The following TLN2 variants were observed in gnomAD, a reference collection of about 807,000 sequenced individuals.
TLN2 encodes the protein talin-2.
TLN2 carries 118 observed loss-of-function variants against 294.7 expected under a neutral mutation model. The ratio of observed to expected loss-of-function variants is 0.40; its 90% CI spans 0.34 to 0.47. The LOEUF (loss-of-function observed/expected upper bound fraction) is 0.47, where lower values mean the gene tolerates loss of function less well. TLN2 is among the 20% of genes least tolerant of loss of function. TLN2 has a pLI of 0.84. For missense variants in TLN2, 3,083 were observed against 3,282.2 expected (o/e 0.94, Z 1.48); for synonymous variants, 1,431 against 1,304.5 (o/e 1.10, Z -2.09).
intron 23 of TLN2, among the ~76,000 whole-genome samples, chr15:62,717,230 A>G (rs2059835367): frequency 6.6e-6 from 1 of 152,170 alleles, no homozygotes; most frequent in African/African-American, 2.4e-5. Context: ...AGAACCATCT[A>G]CGCTGCTTGT....
chr15:62,738,178 G>T (rs761237118), intron 29 of TLN2, 36 bp from the exon 30 acceptor site: 2 of 1,608,510 alleles, frequency 1.2e-6, no homozygotes, highest in East Asian at 2.2e-5. Flanking sequence ...AGAAATGTTT[G>T]TACTTAAAGG....
intron 1 of TLN2, among the ~76,000 whole-genome samples, chr15:62,519,297 T>C (rs555100132): frequency 1.2e-3 from 186 of 152,340 alleles, no homozygotes; most frequent in Non-Finnish European, 2.2e-3. Flanking sequence ...GTTAAGTACC[T>C]CTCACTTACA....
intron 1 of TLN2, among the ~76,000 whole-genome samples, chr15:62,461,195 C>T (rs545550648): frequency 1.1e-3 from 164 of 152,268 alleles, no homozygotes; most frequent in African/African-American, 3.8e-3. Flanking sequence ...CCGCCTGCGT[C>T]GGCCTCCCAA....
At chr15:62,685,877 A>T (rs2057246763) in intron 11 of TLN2, among the ~76,000 whole-genome samples, 3 of 152,136 alleles carry the variant, frequency 2.0e-5, no homozygotes. Flanking sequence ...AAGTATGTAT[A>T]TTTTGAGTTA....
intron 2 of TLN2, among the ~76,000 whole-genome samples, chr15:62,615,298 A>G (rs1416909052): frequency 6.6e-6 from 1 of 151,948 alleles, no homozygotes; most frequent in African/African-American, 2.4e-5. Flanking sequence ...AGGAACAGCA[A>G]CTCTTTCTTT....
At chr15:62,435,597 G>A (rs1455264076) in intron 1 of TLN2, among the ~76,000 whole-genome samples, 2 of 151,946 alleles carry the variant, frequency 1.3e-5, no homozygotes, top group Non-Finnish European at 2.9e-5. Context: ...GCTGGAGTGC[G>A]ATGGCGCGAT....
chr15:62,737,739 A>C (rs1685428495), intron 29 of TLN2, among the ~76,000 whole-genome samples: 2 of 152,214 alleles, frequency 1.3e-5, no homozygotes, highest in African/African-American at 4.8e-5. Context: ...GAGGTTTGGG[A>C]GGATGGCCCC....
At chr15:62,588,855 G>A (rs1038443685) in intron 1 of TLN2, among the ~76,000 whole-genome samples, 4 of 150,104 alleles carry the variant, frequency 2.7e-5, no homozygotes, top group East Asian at 2.0e-4. Context: ...TGATACTTTT[G>A]TCAAAAAATA....
chr15:62,513,553 C>T (rs1051384161), intron 1 of TLN2, among the ~76,000 whole-genome samples: 2 of 152,216 alleles, frequency 1.3e-5, no homozygotes, highest in Non-Finnish European at 1.5e-5. Context: ...ATCCCATAAC[C>T]TTGTAGACCT....
chr15:62,809,812 G>A, intron 51 of TLN2, 113 bp from the exon 52 acceptor site: 1 of 909,842 alleles, frequency 1.1e-6, no homozygotes, highest in Admixed American at 2.0e-5. Flanking sequence ...TGTCCAGGGA[G>A]TCAGGGCAGT....
chr15:62,613,986 C>T (rs770824349), intron 2 of TLN2, among the ~76,000 whole-genome samples: 1 of 151,914 alleles, frequency 6.6e-6, no homozygotes, highest in Non-Finnish European at 1.5e-5. Context: ...TTGAGGGGGA[C>T]CTGATTTACA....
At chr15:62,838,409 G>C (rs2070067455) in intron 57 of TLN2, among the ~76,000 whole-genome samples, 1 of 152,226 alleles carries the variant, frequency 6.6e-6, no homozygotes, top group African/African-American at 2.4e-5. Context: ...CACAGAGGGA[G>C]AGGGTATGGG....
chr15:62,831,643 G>A (rs1002983958), intron 54 of TLN2: 4 of 152,092 alleles, frequency 2.6e-5, no homozygotes, highest in African/African-American at 9.7e-5. Context: ...CTAAATTCAT[G>A]TCTGTCCTGA....
intron 45 of TLN2, chr15:62,784,186 CT>C: frequency 2.4e-6 from 1 of 415,758 alleles, no homozygotes; most frequent in East Asian, 3.4e-5. Context: ...TCACCTGTCT[CT>C]TTTAGCATGC....
At chr15:62,701,918 CA>C in intron 17 of TLN2, 73 bp from the exon 18 acceptor site, 2 of 1,534,128 alleles carry the variant, frequency 1.3e-6, no homozygotes, top group Non-Finnish European at 1.8e-6. Context: ...GAACTCCTGC[CA>C]GTGTGGGGTT....
chr15:62,649,969 G>C (rs766230965), intron 4 of TLN2, 115 bp from the exon 5 acceptor site: 20 of 971,246 alleles, frequency 2.1e-5, no homozygotes, highest in African/African-American at 3.2e-5. Flanking sequence ...AAACATTGCT[G>C]TCTGGTGAAG....
At chr15:62,640,187 C>G (rs1315614635) in intron 3 of TLN2, 1 of 456,014 alleles carries the variant, frequency 2.2e-6, no homozygotes, top group Admixed American at 2.3e-5. Context: ...CTCTTCCTCT[C>G]TTGTAGAAGA....
chr15:62,640,245 A>G (rs1223181354), intron 3 of TLN2: 4 of 455,884 alleles, frequency 8.8e-6, no homozygotes, highest in African/African-American at 2.0e-5. Flanking sequence ...TGTTTCTTTG[A>G]GAGAGCTGAA....
At chr15:62,789,678 G>A (rs753071416) in intron 45 of TLN2, among the ~76,000 whole-genome samples, 10 of 152,236 alleles carry the variant, frequency 6.6e-5, no homozygotes, top group Admixed American at 4.6e-4. Flanking sequence ...TGTTCGTCCC[G>A]GTGCCTTGCA....
Sources: allele counts gnomAD v4.1 joint callset (sites outside exome capture counted in the v4.1 genomes callset), GRCh38; gene constraint gnomAD v4.1.1; transcripts MANE v1.5; gene names NCBI Gene and HGNC (gene_info 2026-07-23, HGNC 2026-07-21).